Variants in BCOR observed in about 807,000 individuals in gnomAD.
BCOR encodes BCL-6 corepressor.
Under a neutral mutation model 86.7 loss-of-function variants are expected in BCOR, and 10 were observed. That is an observed-to-expected ratio of 0.12 (90% CI 0.07 to 0.20). The LOEUF is 0.20. BCOR is among the 10% of genes least tolerant of loss of function. BCOR has a pLI of 1.00. For missense variants in BCOR, 1,259 were observed against 1,452.1 expected (o/e 0.87, Z 2.16); for synonymous variants, 611 against 609.0 (o/e 1.00, Z -0.05).
chrX:40,060,547 C>T (rs1000963165), intron 10 of BCOR, among the ~76,000 whole-genome samples: 2 of 112,243 alleles, frequency 1.8e-5, no homozygotes, highest in Non-Finnish European at 3.8e-5. Flanking sequence ...GAGCCCTACC[C>T]CGCTATGGCC....
At chrX:40,060,254 A>C (rs1162978277) in intron 10 of BCOR, among the ~76,000 whole-genome samples, 1 of 112,562 alleles carries the variant, frequency 8.9e-6, no homozygotes, top group African/African-American at 3.2e-5. Flanking sequence ...TCATCTAGTA[A>C]TTAAAACATT....
chrX:40,161,506 C>CTTTTTTT (rs749528691), intron 1 of BCOR, among the ~76,000 whole-genome samples: 3 of 55,987 alleles, frequency 5.4e-5, no homozygotes, highest in African/African-American at 8.2e-5. Flanking sequence ...CGATTCTCCC[C>CTTTTTTT]TTTTTTTTTT....
intron 1 of BCOR, among the ~76,000 whole-genome samples, chrX:40,172,082 G>A (rs980191602): frequency 1.8e-5 from 2 of 112,708 alleles, no homozygotes; most frequent in Non-Finnish European, 3.8e-5. Flanking sequence ...GGGGTTTCGC[G>A]AGCTGAAAGT....
chrX:40,064,373 G>A lies in BCOR; in HGVS notation c.3465C>T (p.Asp1155=). The A allele has an allele frequency of 1.6e-6, 2 of 1,212,297 alleles. No homozygotes were observed. Among genetic ancestry groups the A allele is most frequent in the East Asian group, 3.0e-5 (1 of 33,856 alleles). ...GTCGGCGTTTGGCTTTCAGCAGAGG[G>A]TCCTCTGGCACCTCCTCCGCAGTGG... is the stretch of plus-strand genomic sequence containing the variant. ...TETTAEEVPE[D]PLLKAKRRRV... The change falls in exon 7 of 15, where the codon GAC becomes GAT. Residue 1155 remains aspartate (D), a synonymous_variant. Coordinates refer to ENST00000378444, the MANE Select transcript of BCOR (RefSeq NM_001123385.2).
intron 1 of BCOR, among the ~76,000 whole-genome samples, chrX:40,159,785 T>C (rs767801094): frequency 2.7e-5 from 3 of 112,119 alleles, no homozygotes; most frequent in Non-Finnish European, 5.6e-5. Context: ...GTCTTCAAGA[T>C]TTGGACATGC....
At chrX:40,104,281 G>A (rs1259954222) in intron 1 of BCOR, among the ~76,000 whole-genome samples, 1 of 111,472 alleles carries the variant, frequency 9.0e-6, no homozygotes, top group Admixed American at 9.5e-5. Flanking sequence ...AACATGAAGT[G>A]GTTGTTAATG....
rs755835599 is a variant in BCOR at position 40,114,210 on chromosome X, G to C, written c.-40-36241C>G. 7.1e-5 allele frequency among the ~76,000 whole-genome samples: 8 copies of C among 112,217 alleles called. No individual in the cohort carries two copies. The South Asian group carries it at 1.1e-3, about 16-fold the overall frequency. ...TTGTGGAGAGGGTGCTATAGGAAAG[G>C]GGGTACCTGGACTGGTGGGGAGTGG... On this transcript the variant is annotated intron_variant, in intron 1 of 14. Coordinates refer to the BCOR transcript ENST00000342274.
At chrX:40,121,481 T>G (rs1042128731) in intron 1 of BCOR, among the ~76,000 whole-genome samples, 4 of 112,887 alleles carry the variant, frequency 3.5e-5, no homozygotes, top group Non-Finnish European at 5.6e-5. Context: ...TATAATTACT[T>G]CATTTGGTTC....
intron 1 of BCOR, among the ~76,000 whole-genome samples, chrX:40,127,302 A>G (rs1423461998): frequency 1.8e-5 from 2 of 112,012 alleles, no homozygotes; most frequent in Non-Finnish European, 3.8e-5. Context: ...GAGAAGAGTG[A>G]CAGTTCACTG....
intron 1 of BCOR, among the ~76,000 whole-genome samples, chrX:40,140,168 T>C (rs1937887736): frequency 9.2e-6 from 1 of 108,256 alleles, no homozygotes; most frequent in African/African-American, 3.4e-5. Flanking sequence ...AAAATATATA[T>C]ATACCTAAGC....
chrX:40,052,452 G>A (rs769852100), intron 14 of BCOR, 52 bp from the exon 15 acceptor site: 51 of 1,135,957 alleles, frequency 4.5e-5, no homozygotes, highest in Admixed American at 1.3e-4. Flanking sequence ...TGAAAAGTGC[G>A]CCCAACTATT....
chrX:40,055,504 G>A lies in BCOR; in HGVS notation c.4605C>T (p.His1535=), dbSNP rs1331108953. Residue 1535 remains histidine (H), a synonymous_variant, in exon 12 of 15, where the codon CAC becomes CAT. Coordinates refer to ENST00000378444, the MANE Select transcript of BCOR (RefSeq NM_001123385.2). ...CSAQDGTRPL[H]DAVENDHLEI... ...CCAAGTGATCGTTCTCAACAGCATCGTGCAGAGGCCTAGGAAGAGAGGCGC... is the reference window on the plus strand; with the variant it reads ...CCAAGTGATCGTTCTCAACAGCATCATGCAGAGGCCTAGGAAGAGAGGCGC... 8.3e-7 allele frequency: 1 copy of A among 1,209,637 alleles called. No homozygotes were observed. The highest frequency in any genetic ancestry group is 2.2e-5 in the Admixed American group (1 of 45,735).
At chrX:40,153,082 T>C (rs1049927742) in intron 1 of BCOR, among the ~76,000 whole-genome samples, 65 of 113,305 alleles carry the variant, frequency 5.7e-4, no homozygotes, top group African/African-American at 2.0e-3. Context: ...CGTGCCAGCT[T>C]CCTGCCCTGC....
In BCOR at chrX:40,062,324, C is replaced by T. The variant is rs771281786; in HGVS notation, c.4243G>A (p.Glu1415Lys). ...SDYDLSPAKQ[E>K]PKPFDRLQQL... is the part of the protein sequence containing the mutation. The stretch of plus-strand genomic sequence containing the variant: ...TGCAAGCGGTCGAAGGGCTTTGGCT[C>T]CTGCTTGGCTGGTGACAGATCATAG... Residue 1415 changes from glutamate (E) to lysine (K), a missense_variant, in exon 10 of 15, where the codon GAG (glutamate) becomes AAG (lysine). Physicochemically the swap from Glu to Lys is moderately conservative, Grantham distance 56. Transcript: ENST00000378444. 8.3e-7 allele frequency: 1 copy of T among 1,208,357 alleles called. No homozygotes were observed. Among genetic ancestry groups the T allele is most frequent in the Non-Finnish European group, 1.1e-6 (1 of 894,093 alleles).
intron 1 of BCOR, among the ~76,000 whole-genome samples, chrX:40,155,429 G>C (rs993263212): frequency 9.0e-6 from 1 of 111,326 alleles, no homozygotes; most frequent in African/African-American, 3.3e-5. Context: ...GAGTGACCCA[G>C]GGCCTCCGGG....
At chrX:40,148,358 C>T (rs1007319079) in intron 1 of BCOR, among the ~76,000 whole-genome samples, 1 of 111,811 alleles carries the variant, frequency 8.9e-6, no homozygotes, top group Non-Finnish European at 1.9e-5. Flanking sequence ...TGTGCTTCTC[C>T]TCCCTCCCGA....
chrX:40,170,244 G>C (rs950761055), intron 1 of BCOR, among the ~76,000 whole-genome samples: 2 of 112,152 alleles, frequency 1.8e-5, no homozygotes, highest in African/African-American at 6.5e-5. Context: ...TCGGTCCTGG[G>C]GCTGGGGGAA....
At chrX:40,153,063 G>C (rs1476776742) in intron 1 of BCOR, among the ~76,000 whole-genome samples, 2 of 113,372 alleles carry the variant, frequency 1.8e-5, no homozygotes, top group African/African-American at 3.2e-5. Flanking sequence ...CGCCTGCCCA[G>C]CCGTCGGCCG....
intron 1 of BCOR, among the ~76,000 whole-genome samples, chrX:40,111,440 T>G (rs1937310662): frequency 2.7e-5 from 3 of 112,405 alleles, no homozygotes; most frequent in Non-Finnish European, 3.8e-5. Flanking sequence ...CAGCTAGTCA[T>G]GAAGTTATTT....
Sources: gnomAD v4.1 joint callset for allele counts (sites outside exome capture counted in the v4.1 genomes callset) on GRCh38, gnomAD v4.1.1 for gene constraint, MANE v1.5 for transcripts, NCBI Gene and HGNC (gene_info 2026-07-23, HGNC 2026-07-21) for gene names.